CD96: variants seen among roughly 807,000 people sequenced by gnomAD.
CD96 encodes the protein T-cell surface protein tactile.
CD96 carries 70 observed loss-of-function variants against 71.3 expected under a neutral mutation model. That is an observed-to-expected ratio of 0.98 (90% CI 0.81 to 1.20). CD96 has a LOEUF of 1.20. Ranked by LOEUF, CD96 falls within the 50% of genes most tolerant of loss-of-function variation. CD96 has a pLI of 0.00. For synonymous variants in CD96, 248 were observed against 233.0 expected (o/e 1.06, Z -0.59); for missense variants, 742 against 677.5 (o/e 1.10, Z -1.06).
exon 15 of CD96, chr3:111,665,745 T>C (rs1940464554): frequency 6.6e-6 from 1 of 152,356 alleles, no homozygotes; most frequent in African/African-American, 2.4e-5. Context: ...GTTGCTACTT[T>C]AGTAGAAACT....
chr3:111,545,905 T>C (rs1364885822), intron 2 of CD96, among the ~76,000 whole-genome samples: 1 of 152,050 alleles, frequency 6.6e-6, no homozygotes, highest in Non-Finnish European at 1.5e-5. Context: ...TTTTAAAAGG[T>C]TTCTATTTTG....
intron 4 of CD96, among the ~76,000 whole-genome samples, chr3:111,584,758 A>G (rs1936629293): frequency 6.6e-6 from 1 of 152,212 alleles, no homozygotes; most frequent in Non-Finnish European, 1.5e-5. Flanking sequence ...CTCTTCCACA[A>G]CACATGGGAA....
At chr3:111,597,175 G>T (rs1937297398) in intron 5 of CD96, among the ~76,000 whole-genome samples, 1 of 151,952 alleles carries the variant, frequency 6.6e-6, no homozygotes, top group African/African-American at 2.4e-5. Flanking sequence ...AACTAGGGCT[G>T]GTCATATGTA....
intron 10 of CD96, chr3:111,634,291 T>A (rs749902428): frequency 4.6e-5 from 7 of 152,242 alleles, no homozygotes; most frequent in Non-Finnish European, 8.8e-5. Context: ...CAATAGTGTC[T>A]TTGTTGAACA....
intron 7 of CD96, among the ~76,000 whole-genome samples, chr3:111,606,115 A>T (rs1937616660): frequency 6.6e-6 from 1 of 152,138 alleles, no homozygotes; most frequent in South Asian, 2.1e-4. Flanking sequence ...TCCCCCCAAC[A>T]CAGACACACG....
intron 7 of CD96, among the ~76,000 whole-genome samples, chr3:111,605,455 G>T (rs192356098): frequency 6.6e-6 from 1 of 152,314 alleles, no homozygotes; most frequent in East Asian, 1.9e-4. Context: ...AGCAACATCA[G>T]GAAATTGGGA....
chr3:111,573,998 C>A (rs77284863), intron 3 of CD96, among the ~76,000 whole-genome samples: 1 of 152,114 alleles, frequency 6.6e-6, no homozygotes, highest in Non-Finnish European at 1.5e-5. Flanking sequence ...ATGTGGGGAG[C>A]TTTGCAAGCA....
chr3:111,569,726 G>A (rs1488460560), intron 3 of CD96, among the ~76,000 whole-genome samples: 7 of 152,140 alleles, frequency 4.6e-5, no homozygotes, highest in Admixed American at 3.9e-4. Flanking sequence ...CCTTCAGTAT[G>A]TGTCTTTTAT....
intron 8 of CD96, among the ~76,000 whole-genome samples, chr3:111,607,708 C>T (rs545530095): frequency 3.9e-5 from 6 of 152,252 alleles, no homozygotes; most frequent in Admixed American, 3.9e-4. Context: ...AGCCTGCAGT[C>T]GCTGTCACAG....
intron 2 of CD96, among the ~76,000 whole-genome samples, chr3:111,564,693 C>CT (rs1297311184): frequency 1.3e-5 from 2 of 152,012 alleles, no homozygotes; most frequent in Non-Finnish European, 2.9e-5. Context: ...GTTCTCTATT[C>CT]TTTTTTTGCT....
In CD96 at chr3:111,571,260, C is replaced by G. The variant is rs547215301; in HGVS notation, c.543+3613C>G. Among the ~76,000 whole-genome samples the G allele has an allele frequency of 4.1e-5, 6 of 147,342 alleles. No homozygotes were observed. In the South Asian group the frequency reaches 1.3e-3, roughly 33 times the overall value. ...TGCTCATTTCAAAAATCTCCAGCATCTAGTATAGAGTCTAGAGCATAGGTA... is the reference window on the plus strand; with the variant it reads ...TGCTCATTTCAAAAATCTCCAGCATGTAGTATAGAGTCTAGAGCATAGGTA... On this transcript the variant is annotated intron_variant, in intron 3 of 13. Coordinates refer to ENST00000352690, the MANE Select transcript of CD96 (RefSeq NM_005816.5).
chr3:111,606,978 T>A (rs1368131077), intron 8 of CD96, 186 bp downstream of exon 8: 8 of 653,170 alleles, frequency 1.2e-5, no homozygotes, highest in African/African-American at 5.4e-5. Flanking sequence ...CCATTTAAAA[T>A]GTATGATCTA....
intron 5 of CD96, among the ~76,000 whole-genome samples, chr3:111,591,939 C>A (rs547614900): frequency 2.0e-5 from 3 of 152,294 alleles, no homozygotes; most frequent in Admixed American, 6.5e-5. Flanking sequence ...TAGGTCAGGG[C>A]CAAAGGAGGC....
intron 14 of CD96, among the ~76,000 whole-genome samples, chr3:111,662,387 T>C (rs1940380658): frequency 6.6e-6 from 1 of 152,262 alleles, no homozygotes; most frequent in African/African-American, 2.4e-5. Context: ...TTATGCAAAC[T>C]TCTGCAGCAG....
chr3:111,646,355 G>A (rs1051415494), intron 12 of CD96, among the ~76,000 whole-genome samples: 9 of 152,138 alleles, frequency 5.9e-5, no homozygotes, highest in Middle Eastern at 3.4e-3. Flanking sequence ...AAGAGGCCAG[G>A]TGTATGTCTT....
chr3:111,616,774 C>T (rs1217367690), intron 8 of CD96, among the ~76,000 whole-genome samples: 1 of 152,026 alleles, frequency 6.6e-6, no homozygotes, highest in Non-Finnish European at 1.5e-5. Context: ...GACTGTTGAG[C>T]CCGTAGAGGC....
intron 10 of CD96, among the ~76,000 whole-genome samples, chr3:111,636,648 G>A (rs1378196966): frequency 6.6e-6 from 1 of 152,172 alleles, no homozygotes; most frequent in Non-Finnish European, 1.5e-5. Flanking sequence ...GTCTCTAAAT[G>A]CTTCAAAAGG....
chr3:111,623,446 A>T (rs1938601730), intron 8 of CD96, among the ~76,000 whole-genome samples: 1 of 152,200 alleles, frequency 6.6e-6, no homozygotes, highest in Non-Finnish European at 1.5e-5. Flanking sequence ...ATTGTTTATT[A>T]CTATATCCCC....
chr3:111,566,247 T>G (rs4682287), intron 2 of CD96, among the ~76,000 whole-genome samples: 8,977 of 151,888 alleles, frequency 0.059, 415 homozygotes, highest in Non-Finnish European at 0.089. Context: ...TAATTATACC[T>G]CAGAGAATTT....
Sources: allele counts gnomAD v4.1 joint callset (sites outside exome capture counted in the v4.1 genomes callset), GRCh38; gene constraint gnomAD v4.1.1; transcripts MANE v1.5; gene names NCBI Gene and HGNC (gene_info 2026-07-23, HGNC 2026-07-21).